ZNF227: variants seen among roughly 807,000 people sequenced by gnomAD.
The protein encoded by ZNF227 is zinc finger protein 227.
In ZNF227, 12 loss-of-function variants were observed where a neutral mutation model predicts 13.2. That is an observed-to-expected ratio of 0.91 (90% CI 0.58 to 1.47). The LOEUF is 1.47. Ranked by LOEUF, ZNF227 falls within the 40% of genes most tolerant of loss-of-function variation. The pLI is 0.00. For synonymous variants in ZNF227, 338 were observed against 326.0 expected (o/e 1.04, Z -0.40); for missense variants, 885 against 967.5 (o/e 0.91, Z 1.13).
chr19:44,235,975 T>C lies in ZNF227; in HGVS notation c.1545T>C (p.Thr515=), dbSNP rs764696019. 22 of 1,612,920 alleles carry C rather than the reference T, an allele frequency of 1.4e-5. No homozygotes were observed. The highest frequency in any genetic ancestry group is 1.9e-5 in the Non-Finnish European group (22 of 1,179,772). ...TTCAAGTCCATCAGAATGTCCACACTGGGGAGAAACGATTCAAGTGTGAAA... is the reference window on the plus strand; with the variant it reads ...TTCAAGTCCATCAGAATGTCCACACCGGGGAGAAACGATTCAAGTGTGAAA... ...SNLQVHQNVH[T]GEKRFKCETC... is the part of the protein sequence containing the mutation. Residue 515 remains threonine, a synonymous_variant, in exon 6 of 6, where the codon ACT becomes ACC. Transcript: ENST00000313040.
intron 3 of ZNF227, among the ~76,000 whole-genome samples, chr19:44,220,537 T>C (rs1445384115): frequency 6.6e-6 from 1 of 152,108 alleles, no homozygotes; most frequent in East Asian, 1.9e-4. Context: ...TATACAATGA[T>C]TGATCCAGCT....
At chr19:44,220,704 A>G (rs762951276) in intron 3 of ZNF227, among the ~76,000 whole-genome samples, 39 of 152,102 alleles carry the variant, frequency 2.6e-4, no homozygotes, top group Non-Finnish European at 4.6e-4. Context: ...CATGTGCACA[A>G]TGTGCAGGTT....
Position 44,236,393 on chromosome 19 carries a change from A to G in ZNF227, c.1963A>G (p.Thr655Ala). ...TCTTCAATCCCATCAGAGAGTCCAC[A>G]CGGGGGAAAAGCCATACAAATGTGA... is the stretch of plus-strand genomic sequence containing the variant. ...SGLQSHQRVH[T>A]GEKPYKCDVC... Residue 655 changes from threonine (T) to alanine (A), a missense_variant, in exon 6 of 6, where the codon ACG (threonine) becomes GCG (alanine). Thr to Ala is a moderately conservative substitution (Grantham distance 58). Coordinates refer to ENST00000313040, the MANE Select transcript of ZNF227 (RefSeq NM_182490.3). 6.2e-7 allele frequency: 1 copy of G among 1,614,180 alleles called. No homozygotes were observed. Among genetic ancestry groups the G allele is most frequent in the Non-Finnish European group, 8.5e-7 (1 of 1,180,026 alleles).
chr19:44,225,863 T>A (rs1973077142), intron 3 of ZNF227, among the ~76,000 whole-genome samples: 1 of 152,206 alleles, frequency 6.6e-6, no homozygotes, highest in Non-Finnish European at 1.5e-5. Context: ...TTTCCAGTTT[T>A]TCTGCTCTGT....
At chr19:44,228,253 T>C (rs1973389397) in intron 3 of ZNF227, 193 bp from the exon 4 acceptor site, 1 of 529,904 alleles carries the variant, frequency 1.9e-6, no homozygotes, top group Non-Finnish European at 3.1e-6. Context: ...CAAAAAACAG[T>C]GATAAACTAC....
intron 3 of ZNF227, among the ~76,000 whole-genome samples, chr19:44,219,019 C>G (rs771124102): frequency 3.9e-5 from 6 of 152,196 alleles, no homozygotes; most frequent in Non-Finnish European, 8.8e-5. Context: ...TCCCAAGTAG[C>G]TGGGATTACA....
intron 2 of ZNF227, 118 bp from the exon 3 acceptor site, chr19:44,217,673 T>C: frequency 2.8e-6 from 3 of 1,089,356 alleles, no homozygotes; most frequent in Non-Finnish European, 2.8e-6. Flanking sequence ...CATGTTCTGC[T>C]TACCAAGCTG....
upstream of ZNF227, among the ~76,000 whole-genome samples, chr19:44,208,566 G>T (rs1007125644): frequency 2.0e-5 from 3 of 152,172 alleles, no homozygotes; most frequent in African/African-American, 7.2e-5. Context: ...AAAGGTTAGA[G>T]AAAGGATTCA....
intron 3 of ZNF227, among the ~76,000 whole-genome samples, chr19:44,221,019 G>T (rs1368643364): frequency 6.6e-6 from 1 of 150,740 alleles, no homozygotes; most frequent in East Asian, 2.0e-4. Context: ...GTATTCCATG[G>T]TGTATATGTG....
Position 44,235,375 on chromosome 19 carries a change from A to G in ZNF227, c.945A>G (p.Gln315=). 6.2e-7 allele frequency: 1 copy of G among 1,614,240 alleles called. No individual in the cohort carries two copies. The highest frequency in any genetic ancestry group is 8.5e-7 in the Non-Finnish European group (1 of 1,180,042). ...CFNKSSFHSY[Q]SNHTGEKSYR... ...ATAAGAGCTCTTTTCATTCTTATCA[A>G]TCTAATCATACAGGAGAGAAGTCTT... is the stretch of plus-strand genomic sequence containing the variant. The change falls in exon 6 of 6, where the codon CAA becomes CAG. Residue 315 remains glutamine (Q), a synonymous_variant. Transcript: ENST00000313040.
chr19:44,221,988 C>T (rs1972568929), intron 3 of ZNF227, among the ~76,000 whole-genome samples: 1 of 152,140 alleles, frequency 6.6e-6, no homozygotes, highest in South Asian at 2.1e-4. Context: ...TATGGCTAAC[C>T]AGTTTTCCCA....
rs961169244 is a variant in ZNF227 at position 44,234,580 on chromosome 19, G to A, written c.272-122G>A. On this transcript the variant is annotated intron_variant, in intron 5 of 5. Coordinates refer to ENST00000313040, the MANE Select transcript of ZNF227 (RefSeq NM_182490.3). ...AGAATACACGATGCTGTAAGGACAA[G>A]GTCACCTTTCGCCTGGTTTATCAAG... 5 of 888,414 alleles carry A rather than the reference G, an allele frequency of 5.6e-6. No individual in the cohort carries two copies. The African/African-American group carries it at 8.5e-5, about 15-fold the overall frequency. The allele number at this position is 888,414 out of a possible 1,614,324, so 55.0% of individuals were successfully genotyped here.
upstream of ZNF227, chr19:44,208,014 C>CT (rs1971250029): frequency 6.6e-6 from 1 of 152,164 alleles, no homozygotes; most frequent in Admixed American, 6.5e-5. Flanking sequence ...GTAGGTACCA[C>CT]TTATGTTCTA....
intron 3 of ZNF227, among the ~76,000 whole-genome samples, chr19:44,223,205 G>A (rs1055487335): frequency 1.3e-4 from 20 of 152,324 alleles, no homozygotes; most frequent in African/African-American, 4.8e-4. Flanking sequence ...TGTTCATCAA[G>A]GATATTGGTC....
chr19:44,226,352 T>C (rs991784673), intron 3 of ZNF227, among the ~76,000 whole-genome samples: 13 of 152,252 alleles, frequency 8.5e-5, no homozygotes, highest in African/African-American at 2.9e-4. Context: ...ATTGCTGTCT[T>C]TTTGTTTGTG....
chr19:44,221,507 GGC>G (rs1017316702), intron 3 of ZNF227, among the ~76,000 whole-genome samples: 2 of 152,168 alleles, frequency 1.3e-5, no homozygotes, highest in African/African-American at 4.8e-5. Flanking sequence ...TTTCCCTGAT[GGC>G]CAGTGATGGT....
chr19:44,222,995 G>T (rs951062209), intron 3 of ZNF227, among the ~76,000 whole-genome samples: 2 of 151,948 alleles, frequency 1.3e-5, no homozygotes, highest in African/African-American at 4.8e-5. Flanking sequence ...TTTTGTCAAA[G>T]GCCTTTTCTG....
intron 5 of ZNF227, 106 bp downstream of exon 5, chr19:44,229,922 T>G (rs1973611485): frequency 1.5e-6 from 1 of 667,124 alleles, no homozygotes; most frequent in Non-Finnish European, 2.3e-6. Flanking sequence ...ATCTTTCACC[T>G]GGATTATAAC....
intron 5 of ZNF227, among the ~76,000 whole-genome samples, chr19:44,232,934 G>A (rs1186932864): frequency 1.3e-5 from 2 of 152,088 alleles, no homozygotes; most frequent in South Asian, 2.1e-4. Flanking sequence ...GCCTCACAAA[G>A]TGCTGGGATT....
Sources: allele counts gnomAD v4.1 joint callset (sites outside exome capture counted in the v4.1 genomes callset), GRCh38; gene constraint gnomAD v4.1.1; transcripts MANE v1.5; gene names NCBI Gene and HGNC (gene_info 2026-07-23, HGNC 2026-07-21).